The following ADAM18 variants were observed in gnomAD, a reference collection of about 807,000 sequenced individuals.
The protein encoded by ADAM18 is ADAM metallopeptidase domain 18, also known as disintegrin and metalloproteinase domain-containing protein 18.
Under a neutral mutation model 94.4 loss-of-function variants are expected in ADAM18, and 117 were observed. The ratio of observed to expected loss-of-function variants is 1.24; its 90% confidence interval spans 1.07 to 1.45. The LOEUF (loss-of-function observed/expected upper bound fraction) is 1.45. Ranked by LOEUF, ADAM18 falls within the 40% of genes most tolerant of loss-of-function variation. The probability of loss-of-function intolerance (pLI) is 0.00; values close to 1 mark genes in which losing one functional copy is unlikely to be tolerated. For synonymous variants in ADAM18, 327 were observed against 291.6 expected, an observed-to-expected ratio of 1.12 and a Z score of -1.24; for missense variants, 936 against 880.0, an observed-to-expected ratio of 1.06 and a Z score of -0.81.
intron 3 of ADAM18, among the ~76,000 whole-genome samples, chr8:39,608,404 G>A (rs1819157558): frequency 6.6e-6 from 1 of 151,820 alleles, no homozygotes; most frequent in African/African-American, 2.4e-5. Context: ...TCATCTCTGT[G>A]ACACTGTCTC....
chr8:39,693,950 G>A (rs2129580911), intron 17 of ADAM18, among the ~76,000 whole-genome samples: 1 of 151,232 alleles, frequency 6.6e-6, no homozygotes, highest in Non-Finnish European at 1.5e-5. Flanking sequence ...GCATGTAGGT[G>A]TTCTGAAATA....
intron 17 of ADAM18, among the ~76,000 whole-genome samples, chr8:39,699,751 T>C (rs939700157): frequency 6.6e-6 from 1 of 152,148 alleles, no homozygotes; most frequent in African/African-American, 2.4e-5. Flanking sequence ...AGAGTAAATA[T>C]TGTTTCAATG....
chr8:39,638,034 A>T (rs1327508543), intron 9 of ADAM18, among the ~76,000 whole-genome samples: 2 of 151,986 alleles, frequency 1.3e-5, no homozygotes, highest in Non-Finnish European at 2.9e-5. Flanking sequence ...ATTATTCATG[A>T]TAAATTAATA....
intron 2 of ADAM18, among the ~76,000 whole-genome samples, chr8:39,602,277 A>G (rs1259086529): frequency 1.3e-5 from 2 of 152,080 alleles, no homozygotes; most frequent in African/African-American, 4.8e-5. Context: ...ATTTTTTGTA[A>G]TGGTTGCATC....
intron 6 of ADAM18, among the ~76,000 whole-genome samples, chr8:39,614,471 A>C (rs1819378468): frequency 1.3e-5 from 2 of 152,204 alleles, no homozygotes; most frequent in African/African-American, 4.8e-5. Flanking sequence ...CCCTTAAGGG[A>C]ATGCTAAACA....
At chr8:39,729,052 ATTG>A (rs1823001307) in intron 19 of ADAM18, among the ~76,000 whole-genome samples, 1 of 152,106 alleles carries the variant, frequency 6.6e-6, no homozygotes. Context: ...TAAAAAACAT[ATTG>A]GCCATCCTAA....
intron 12 of ADAM18, among the ~76,000 whole-genome samples, chr8:39,650,210 A>G (rs1820495169): frequency 6.6e-6 from 1 of 152,212 alleles, no homozygotes; most frequent in Non-Finnish European, 1.5e-5. Flanking sequence ...TACAGTTATC[A>G]CAGATTCTAT....
At chr8:39,714,470 A>T (rs1202363625) in intron 18 of ADAM18, among the ~76,000 whole-genome samples, 4 of 152,122 alleles carry the variant, frequency 2.6e-5, no homozygotes, top group African/African-American at 9.7e-5. Flanking sequence ...CTGTCAGAGT[A>T]TATCAGAAGA....
At chr8:39,712,983 A>T (rs1284675374) in intron 18 of ADAM18, among the ~76,000 whole-genome samples, 2 of 152,130 alleles carry the variant, frequency 1.3e-5, no homozygotes, top group Non-Finnish European at 2.9e-5. Flanking sequence ...CATTGCCAAG[A>T]CAATCCTAAG....
chr8:39,597,481 A>AT (rs952228944), intron 2 of ADAM18, among the ~76,000 whole-genome samples: 62 of 152,092 alleles, frequency 4.1e-4, no homozygotes, highest in African/African-American at 1.4e-3. Flanking sequence ...AGATTTATTT[A>AT]TTTTTTTACG....
intron 16 of ADAM18, among the ~76,000 whole-genome samples, chr8:39,687,037 A>G (rs1821625616): frequency 6.6e-6 from 1 of 152,194 alleles, no homozygotes. Flanking sequence ...GTCCAACTAG[A>G]CTTCCAGAAT....
At chr8:39,713,142 T>C (rs1434550273) in intron 18 of ADAM18, among the ~76,000 whole-genome samples, 1 of 152,124 alleles carries the variant, frequency 6.6e-6, no homozygotes, top group Non-Finnish European at 1.5e-5. Flanking sequence ...ACCACACATC[T>C]ACAACCATCT....
chr8:39,663,833 T>C lies in ADAM18; in HGVS notation c.1269T>C (p.Cys423=), dbSNP rs766301155. ...AGAAGTGCTGTGATTATAACACATG[T>C]AAACTGAAGGGCTCAGTAAAATGTG... ...QFKKCCDYNT[C]KLKGSVKCGS... The change falls in exon 13 of 20, where the codon TGT becomes TGC. Residue 423 remains cysteine, a synonymous_variant. Transcript: ENST00000265707. 5 of 1,612,720 alleles carry C rather than the reference T, an allele frequency of 3.1e-6. No homozygotes were observed. Among genetic ancestry groups the C allele is most frequent in the Non-Finnish European group, 4.2e-6 (5 of 1,179,684 alleles).
chr8:39,722,934 A>G (rs1822800165), intron 18 of ADAM18, among the ~76,000 whole-genome samples: 2 of 151,524 alleles, frequency 1.3e-5, no homozygotes, highest in African/African-American at 2.4e-5. Context: ...TATGTTATAT[A>G]CATCAATAAA....
chr8:39,693,755 A>G (rs1363158502), intron 17 of ADAM18, among the ~76,000 whole-genome samples: 3 of 151,074 alleles, frequency 2.0e-5, no homozygotes. Flanking sequence ...AAACTTCCAT[A>G]TTTATTTAAT....
At chr8:39,668,705 A>G (rs1027437025) in intron 14 of ADAM18, among the ~76,000 whole-genome samples, 1 of 152,146 alleles carries the variant, frequency 6.6e-6, no homozygotes, top group African/African-American at 2.4e-5. Flanking sequence ...ACTTGTGCAT[A>G]TATTCTTGCT....
intron 7 of ADAM18, among the ~76,000 whole-genome samples, chr8:39,637,025 A>ATATATATATATATATATATATT (rs1820093841): frequency 1.2e-5 from 1 of 81,934 alleles, no homozygotes; most frequent in African/African-American, 6.1e-5. Flanking sequence ...TATTTTATAT[A>ATATATATATATATATATATATT]TATATATATA....
chr8:39,632,136 A>T (rs1253015417), intron 7 of ADAM18, among the ~76,000 whole-genome samples: 1 of 151,064 alleles, frequency 6.6e-6, no homozygotes, highest in Admixed American at 6.6e-5. Flanking sequence ...TTAATTTTTA[A>T]TTTTTTTCTT....
intron 6 of ADAM18, among the ~76,000 whole-genome samples, chr8:39,622,786 G>T (rs1338732377): frequency 1.3e-5 from 2 of 152,114 alleles, no homozygotes; most frequent in Admixed American, 1.3e-4. Flanking sequence ...AGAGATAAAA[G>T]ATTTAGAGGA....
Sources: gnomAD v4.1 joint callset for allele counts (sites outside exome capture counted in the v4.1 genomes callset) on GRCh38, gnomAD v4.1.1 for gene constraint, MANE v1.5 for transcripts, NCBI Gene and HGNC (gene_info 2026-07-23, HGNC 2026-07-21) for gene names.